MTR: variants seen among roughly 807,000 people sequenced by gnomAD.
MTR encodes 5-methyltetrahydrofolate-homocysteine methyltransferase, also known as methionine synthase.
A neutral mutation model predicts 154.8 loss-of-function variants in MTR; 84 were observed. That is an observed-to-expected ratio of 0.54 (90% CI 0.45 to 0.65). MTR has a LOEUF of 0.65. MTR is among the 30% of genes least tolerant of loss of function. The pLI is 0.00. For missense variants in MTR, 1,275 were observed against 1,570.2 expected, an observed-to-expected ratio of 0.81 and a Z score of 3.18; for synonymous variants, 554 against 553.9, an observed-to-expected ratio of 1.00 and a Z score of 0.00.
In MTR at chr1:236,802,945, G is replaced by C. The variant is rs79966338; in HGVS notation, c.35-483G>C. ...TTAGCCAGTTATTATTTCATAGTTGGGCAGAGGTGAGTAAAACTCTGTTTG... is the reference window on the plus strand; with the variant it reads ...TTAGCCAGTTATTATTTCATAGTTGCGCAGAGGTGAGTAAAACTCTGTTTG... On this transcript the variant is annotated intron_variant, in intron 1 of 32. Transcript: ENST00000366577. Among the ~76,000 whole-genome samples, 748 of 152,252 alleles carry C rather than the reference G, an allele frequency of 4.9e-3. 5 individuals carry two copies. The highest frequency in any genetic ancestry group is 0.016 in the South Asian group (79 of 4,818).
rs201392216 is a variant in MTR, at chr1:236,835,963, C to CT, written c.1329+277dup. Among the ~76,000 whole-genome samples the CT allele has an allele frequency of 2.5e-3, 379 of 152,252 alleles. 2 individuals carry two copies. The highest frequency in any genetic ancestry group is 8.1e-3 in the African/African-American group (337 of 41,538). On this transcript the variant is annotated intron_variant, in intron 14 of 32. Transcript: ENST00000366577. The stretch of plus-strand genomic sequence containing the variant: ...GAGTCTCCTCAGATGTCTGGACAGA[C>CT]TAACAACCCACTTTCCATGTATGTG...
chr1:236,812,373 T>C (rs1661353026), intron 5 of MTR, among the ~76,000 whole-genome samples: 1 of 152,238 alleles, frequency 6.6e-6, no homozygotes, highest in Admixed American at 6.5e-5. Context: ...GTGTGGCATG[T>C]TTCTCACAGC....
At chr1:236,851,577 G>T (rs1207662921) in intron 16 of MTR, among the ~76,000 whole-genome samples, 2 of 152,198 alleles carry the variant, frequency 1.3e-5, no homozygotes, top group Non-Finnish European at 2.9e-5. Context: ...AATGTCATCA[G>T]AGGCTCATAG....
At chr1:236,811,147 C>T (rs1661279226) in intron 5 of MTR, among the ~76,000 whole-genome samples, 1 of 152,200 alleles carries the variant, frequency 6.6e-6, no homozygotes, top group Non-Finnish European at 1.5e-5. Flanking sequence ...TGGTAGCAGG[C>T]AAAGAGAAAG....
chr1:236,867,375 A>G (rs919420108), intron 22 of MTR, among the ~76,000 whole-genome samples: 3 of 152,224 alleles, frequency 2.0e-5, no homozygotes, highest in African/African-American at 7.2e-5. Flanking sequence ...GCCTACCATT[A>G]AGACCTACTG....
chr1:236,827,113 T>G (rs1308760864), intron 11 of MTR, among the ~76,000 whole-genome samples: 1 of 152,150 alleles, frequency 6.6e-6, no homozygotes, highest in African/African-American at 2.4e-5. Context: ...TAATCCAACA[T>G]GATTGGTGTC....
At chr1:236,856,526 T>G (rs1317012207) in intron 18 of MTR, among the ~76,000 whole-genome samples, 1 of 151,814 alleles carries the variant, frequency 6.6e-6, no homozygotes, top group East Asian at 1.9e-4. Flanking sequence ...TTTTTTTTTC[T>G]TCTTCTATTA....
At chr1:236,800,201 G>T in intron 1 of MTR, 1 of 985,430 alleles carries the variant, frequency 1.0e-6, no homozygotes, top group Non-Finnish European at 1.2e-6. Context: ...AGAAGGACAT[G>T]TAAATAATAG....
chr1:236,829,584 T>C (rs1662492330), intron 12 of MTR, among the ~76,000 whole-genome samples: 1 of 152,224 alleles, frequency 6.6e-6, no homozygotes, highest in Admixed American at 6.5e-5. Context: ...AGCCTAACAA[T>C]TTTAATTTTC....
intron 18 of MTR, among the ~76,000 whole-genome samples, chr1:236,858,225 A>G (rs892891575): frequency 1.3e-5 from 2 of 152,186 alleles, no homozygotes; most frequent in Admixed American, 6.5e-5. Flanking sequence ...AGGTCTCACA[A>G]TCATAATGGA....
intron 18 of MTR, among the ~76,000 whole-genome samples, chr1:236,858,944 C>T (rs1224625422): frequency 6.6e-6 from 1 of 152,210 alleles, no homozygotes; most frequent in Non-Finnish European, 1.5e-5. Flanking sequence ...GATAACCATT[C>T]CTTCCTCAAA....
chr1:236,798,043 TGAAAG>T (rs1351650119), intron 1 of MTR, among the ~76,000 whole-genome samples: 2 of 151,044 alleles, frequency 1.3e-5, no homozygotes, highest in African/African-American at 4.9e-5. Context: ...GATCCAAAAA[TGAAAG>T]AGAGAAGTAT....
chr1:236,832,292 T>C (rs1349005149), intron 13 of MTR, among the ~76,000 whole-genome samples: 2 of 152,214 alleles, frequency 1.3e-5, no homozygotes, highest in Non-Finnish European at 2.9e-5. Flanking sequence ...TAAAAAGTAC[T>C]GCATTTGGTG....
chr1:236,844,428 G>A (rs898583051), intron 15 of MTR, among the ~76,000 whole-genome samples: 1 of 151,316 alleles, frequency 6.6e-6, no homozygotes, highest in African/African-American at 2.4e-5. Context: ...GGAAACCAGG[G>A]GGGAAATACG....
rs1254834127 is a variant in MTR at position 236,815,599 on chromosome 1, G to A, written c.610-5G>A. ...TAAAGACGTTCTTTCTTTTTTCCCT[G>A]ACAGGCAGCCTTGTTTGCACTCCAA... On this transcript the variant is annotated splice_region_variant and splice_polypyrimidine_tract_variant and intron_variant, in intron 6 of 32. Transcript: ENST00000366577. 7 of 1,613,836 alleles carry A rather than the reference G, an allele frequency of 4.3e-6. No homozygotes were observed. Among genetic ancestry groups the A allele is most frequent in the Non-Finnish European group, 5.1e-6 (6 of 1,179,840 alleles).
chr1:236,871,643 A>G (rs966538655), intron 22 of MTR, among the ~76,000 whole-genome samples: 4 of 152,040 alleles, frequency 2.6e-5, no homozygotes, highest in Non-Finnish European at 5.9e-5. Flanking sequence ...CAGGTACTAG[A>G]CTTTCTTCAA....
rs549136007 is a variant in MTR at position 236,820,918 on chromosome 1, C to A, written c.765-3201C>A. Among the ~76,000 whole-genome samples the A allele has an allele frequency of 9.2e-5, 14 of 152,336 alleles. 2 individuals carry two copies. The South Asian group carries it at 2.9e-3, about 32-fold the overall frequency. ...AACATGATAATTTTGAGCATCTTTT[C>A]ATATGCTTACTTGCTATCTGTATAT... is the stretch of plus-strand genomic sequence containing the variant. On this transcript the variant is annotated intron_variant, in intron 8 of 32. Transcript: ENST00000366577.
At chr1:236,891,053 G>A in intron 28 of MTR, 80 bp from the exon 29 acceptor site, 1 of 1,470,616 alleles carries the variant, frequency 6.8e-7, no homozygotes, top group South Asian at 1.1e-5. Flanking sequence ...CTGAGGAGGG[G>A]TAATGGCTTT....
At chr1:236,882,673 G>T (rs756960406) in intron 25 of MTR, among the ~76,000 whole-genome samples, 67 of 152,308 alleles carry the variant, frequency 4.4e-4, no homozygotes, top group African/African-American at 1.5e-3. Context: ...GATTACAGGC[G>T]TGAGCCACTG....
Sources: allele counts gnomAD v4.1 joint callset (sites outside exome capture counted in the v4.1 genomes callset), GRCh38; gene constraint gnomAD v4.1.1; transcripts MANE v1.5; gene names NCBI Gene and HGNC (gene_info 2026-07-23, HGNC 2026-07-21).